MEI4: variants seen among roughly 807,000 people sequenced by gnomAD.
The protein encoded by MEI4 is meiotic double-stranded break formation protein 4, also known as meiosis-specific protein MEI4.
In MEI4, 27 loss-of-function variants were observed where a neutral mutation model predicts 31.4. The observed-to-expected ratio is 0.86, with a 90% CI of 0.63 to 1.19. The LOEUF (loss-of-function observed/expected upper bound fraction) is 1.19. MEI4 is among the 50% of genes most tolerant of loss of function. MEI4 has a pLI of 0.00. For synonymous variants in MEI4, 122 were observed against 145.4 expected, an observed-to-expected ratio of 0.84 and a Z score of 1.16; for missense variants, 329 against 398.9, an observed-to-expected ratio of 0.82 and a Z score of 1.49.
At position 77,751,530 on chromosome 6, in the gene MEI4, T is replaced by A. The variant is rs1349707813; in HGVS notation, c.233-9600T>A. 3.3e-5 allele frequency among the ~76,000 whole-genome samples: 5 copies of A among 152,000 alleles called. No individual in the cohort carries two copies. In the East Asian group the frequency reaches 9.6e-4, roughly 29 times the overall value. On this transcript the variant is annotated intron_variant, in intron 2 of 4. Transcript: ENST00000684080. ...AGAAAATCTAGAAGAATTGGGTAAG[T>A]TCCTGAACACATACACCCTCCCGAG...
rs908744774 is a variant in MEI4 at position 77,883,935 on chromosome 6, T to A, written c.901-39154T>A. ...GTAGTTGTACTTTCAGGGTTTTTTTTAAAAACCTCCATACTGTTTTCCATA... is the reference window on the plus strand; with the variant it reads ...GTAGTTGTACTTTCAGGGTTTTTTTAAAAAACCTCCATACTGTTTTCCATA... On this transcript the variant is annotated intron_variant, in intron 4 of 4. Coordinates refer to ENST00000684080, the MANE Select transcript of MEI4 (RefSeq NM_001322247.2). Among the ~76,000 whole-genome samples the A allele has an allele frequency of 6.6e-5, 10 of 151,772 alleles. No individual in the cohort carries two copies. The South Asian group carries it at 8.3e-4, about 13-fold the overall frequency.
intron 3 of MEI4, among the ~76,000 whole-genome samples, chr6:77,765,805 A>T (rs1768159953): frequency 6.6e-6 from 1 of 152,186 alleles, no homozygotes; most frequent in South Asian, 2.1e-4. Context: ...CAACAATGAT[A>T]GACTGGATTA....
chr6:77,761,487 T>G lies in MEI4; in HGVS notation c.590T>G (p.Phe197Cys). The change falls in exon 3 of 5, where the codon TTT becomes TGT. Residue 197 changes from phenylalanine (F) to cysteine (C), a missense_variant. Coordinates refer to ENST00000684080, the MANE Select transcript of MEI4 (RefSeq NM_001322247.2). The part of the protein sequence containing the change: ...VFQLLDGLIT[F>C]YRNPKLPFSR... Reference sequence around the variant, plus strand: ...CAATTGCTGGATGGCCTGATCACTTTTTACCGTAATCCCAAACTTCCTTTT... The same window carrying G: ...CAATTGCTGGATGGCCTGATCACTTGTTACCGTAATCCCAAACTTCCTTTT... The G allele has an allele frequency of 8.1e-7, 1 of 1,232,146 alleles. No individual in the cohort carries two copies. The highest frequency in any genetic ancestry group is 1.0e-6 in the Non-Finnish European group (1 of 987,934). The allele number at this position is 1,232,146 out of a possible 1,614,324, so 76.3% of individuals were successfully genotyped here.
chr6:77,673,851 TC>T (rs1233491190), intron 1 of MEI4, among the ~76,000 whole-genome samples: 1 of 152,162 alleles, frequency 6.6e-6, no homozygotes, highest in Admixed American at 6.6e-5. Flanking sequence ...ATGAATAGTG[TC>T]CTGATATGGT....
At position 77,847,081 on chromosome 6, in the gene MEI4, T is replaced by A. The variant is rs1384618441; in HGVS notation, c.900+18019T>A. 6.6e-6 allele frequency among the ~76,000 whole-genome samples: 1 copy of A among 151,384 alleles called. No individual in the cohort carries two copies. The highest frequency in any genetic ancestry group is 1.5e-5 in the Non-Finnish European group (1 of 67,906). On this transcript the variant is annotated intron_variant, in intron 4 of 4. Transcript: ENST00000684080. This position sits in a 1 kb window ranked among gnomAD's most constrained non-coding sequence, Gnocchi z 4.6. ...AAGGGTTCTGTGCTTTTACTAGGAG[T>A]TGAAAGGAGTGAGGGAATATTGTTT...
chr6:77,919,206 C>G (rs1240415794), intron 4 of MEI4, among the ~76,000 whole-genome samples: 5 of 151,946 alleles, frequency 3.3e-5, no homozygotes, highest in Non-Finnish European at 7.4e-5. Flanking sequence ...TTTTTTTCAG[C>G]ACCACACCAC....
At chr6:77,873,987 A>G (rs1282691359) in intron 4 of MEI4, among the ~76,000 whole-genome samples, 1 of 152,226 alleles carries the variant, frequency 6.6e-6, no homozygotes, top group Non-Finnish European at 1.5e-5. Flanking sequence ...TGCCAGTACC[A>G]TGCTATTTTG....
At chr6:77,751,254 A>C (rs1014386307) in intron 2 of MEI4, among the ~76,000 whole-genome samples, 8 of 152,160 alleles carry the variant, frequency 5.3e-5, no homozygotes, top group African/African-American at 1.9e-4. Flanking sequence ...GAAGACAAGA[A>C]ATAACTAAGA....
intron 2 of MEI4, among the ~76,000 whole-genome samples, chr6:77,732,058 G>A (rs1199003929): frequency 6.7e-6 from 1 of 149,368 alleles, no homozygotes; most frequent in African/African-American, 2.5e-5. Flanking sequence ...AAGTCAGGTA[G>A]TGTGATGCCT....
In MEI4 at chr6:77,696,060, CTGTT is replaced by C. The variant is rs574993344; in HGVS notation, c.232+5161_232+5164del. Among the ~76,000 whole-genome samples, 33 of 152,222 alleles carry C rather than the reference CTGTT, an allele frequency of 2.2e-4. No homozygotes were observed. The East Asian group carries it at 5.6e-3, about 26-fold the overall frequency. Reference sequence around the variant, plus strand: ...GGGAGTTCACTCATGATTCGGCTCTCTGTTTGTCTGTTCTTGGTGTATAAGAATG... The same window carrying C: ...GGGAGTTCACTCATGATTCGGCTCTCTGTCTGTTCTTGGTGTATAAGAATG... On this transcript the variant is annotated intron_variant, in intron 2 of 4. Transcript: ENST00000684080.
chr6:77,775,173 G>T (rs918773017), intron 3 of MEI4, among the ~76,000 whole-genome samples: 3 of 152,112 alleles, frequency 2.0e-5, no homozygotes, highest in Non-Finnish European at 4.4e-5. Context: ...AATCATCTCT[G>T]CAAAGACCGT....
intron 4 of MEI4, among the ~76,000 whole-genome samples, chr6:77,913,249 T>C (rs1282362279): frequency 6.6e-6 from 1 of 152,164 alleles, no homozygotes; most frequent in South Asian, 2.1e-4. Flanking sequence ...TGTAGTTTTA[T>C]TTATTTGTTA....
chr6:77,910,716 T>C (rs944435019), intron 4 of MEI4, among the ~76,000 whole-genome samples: 4 of 152,098 alleles, frequency 2.6e-5, no homozygotes, highest in Admixed American at 2.6e-4. Flanking sequence ...GTGAATAGGG[T>C]TCCAGTGAAC....
rs575760094 is a variant in MEI4, at chr6:77,811,032, G to A, written c.769-17899G>A. 8.0e-4 allele frequency among the ~76,000 whole-genome samples: 122 copies of A among 152,266 alleles called. 1 individual carries two copies. In the South Asian group the frequency reaches 0.022, roughly 28 times the overall value. ...ATTATTTAATTAAAACTCAATTGCA[G>A]TCTAATTTTCTTTTAACATTTGATT... On this transcript the variant is annotated intron_variant, in intron 3 of 4. Transcript: ENST00000684080.
Position 77,772,276 on chromosome 6 carries a change from C to G in MEI4, c.768+10611C>G, listed in dbSNP as rs531742799. ...CACATCAAAAAAAAAAAAAAGAAAA[C>G]TACAGGCCAGTATCCCTCATGAACA... is the stretch of plus-strand genomic sequence containing the variant. On this transcript the variant is annotated intron_variant, in intron 3 of 4. Coordinates refer to ENST00000684080, the MANE Select transcript of MEI4 (RefSeq NM_001322247.2). Among the ~76,000 whole-genome samples, 35 of 148,166 alleles carry G rather than the reference C, an allele frequency of 2.4e-4. No individual in the cohort carries two copies. In the East Asian group the frequency reaches 6.7e-3, roughly 28 times the overall value.
chr6:77,778,591 A>G (rs9359286), intron 3 of MEI4, among the ~76,000 whole-genome samples: 2,873 of 152,010 alleles, frequency 0.019, 66 homozygotes, highest in East Asian at 0.088. Flanking sequence ...AGTCTCAGCT[A>G]CCTGGGAGGC....
intron 4 of MEI4, among the ~76,000 whole-genome samples, chr6:77,884,117 C>T (rs1284677351): frequency 2.0e-5 from 3 of 151,968 alleles, no homozygotes; most frequent in African/African-American, 7.2e-5. Flanking sequence ...AATGATGTTG[C>T]ATATTTTTCC....
chr6:77,850,570 A>G (rs538870902), intron 4 of MEI4, among the ~76,000 whole-genome samples: 31 of 152,346 alleles, frequency 2.0e-4, no homozygotes, highest in African/African-American at 7.0e-4. Flanking sequence ...TGCTGGGAAG[A>G]CTGGCTAGCC....
chr6:77,749,955 G>T (rs1001442639), intron 2 of MEI4, among the ~76,000 whole-genome samples: 3 of 152,082 alleles, frequency 2.0e-5, no homozygotes, highest in Non-Finnish European at 2.9e-5. Flanking sequence ...AGAGAGTGGG[G>T]GCCAATATTC....
Sources: allele counts gnomAD v4.1 joint callset (sites outside exome capture counted in the v4.1 genomes callset), GRCh38; gene constraint gnomAD v4.1.1; non-coding constraint Gnocchi (gnomAD v3.1); transcripts MANE v1.5; gene names NCBI Gene and HGNC (gene_info 2026-07-23, HGNC 2026-07-21).